SNAP25: variants seen among roughly 807,000 people sequenced by gnomAD.
SNAP25 encodes the protein synaptosome associated protein 25, also known as synaptosomal-associated protein 25.
Under a neutral mutation model 28.7 loss-of-function variants are expected in SNAP25, and 3 were observed. The observed-to-expected ratio is 0.10, with a 90% CI of 0.05 to 0.27. The LOEUF (loss-of-function observed/expected upper bound fraction) is 0.27. Ranked by LOEUF, SNAP25 falls within the 10% of genes least tolerant of loss-of-function variation. The pLI is 1.00. For synonymous variants in SNAP25, 61 were observed against 88.1 expected, an observed-to-expected ratio of 0.69 and a Z score of 1.72; for missense variants, 117 against 278.7, an observed-to-expected ratio of 0.42 and a Z score of 4.13.
chr20:10,246,584 C>A (rs1600677989), intron 1 of SNAP25, among the ~76,000 whole-genome samples: 2 of 152,298 alleles, frequency 1.3e-5, no homozygotes, highest in East Asian at 3.9e-4. Context: ...ACAATGCACA[C>A]ACAGCCTCAG....
intron 1 of SNAP25, among the ~76,000 whole-genome samples, chr20:10,241,849 G>A (rs764114185): frequency 9.8e-5 from 15 of 152,286 alleles, no homozygotes; most frequent in Non-Finnish European, 1.8e-4. Flanking sequence ...ACTGGCTTTT[G>A]TTCAAAGAGC....
At chr20:10,230,470 G>A (rs1308665997) in intron 1 of SNAP25, among the ~76,000 whole-genome samples, 1 of 152,070 alleles carries the variant, frequency 6.6e-6, no homozygotes, top group Non-Finnish European at 1.5e-5. Context: ...CATTACTCTA[G>A]GACACTTGTT....
chr20:10,260,809 A>T (rs1301916188), intron 1 of SNAP25, among the ~76,000 whole-genome samples: 1 of 152,152 alleles, frequency 6.6e-6, no homozygotes, highest in Non-Finnish European at 1.5e-5. Flanking sequence ...CATTTTGAAC[A>T]TTCATTCCAC....
intron 1 of SNAP25, among the ~76,000 whole-genome samples, chr20:10,224,655 C>G (rs2062703161): frequency 6.6e-6 from 1 of 151,956 alleles, no homozygotes; most frequent in Non-Finnish European, 1.5e-5. Flanking sequence ...TCCCTCATCC[C>G]AATCCTTATT....
At chr20:10,227,029 G>T (rs911233849) in intron 1 of SNAP25, among the ~76,000 whole-genome samples, 8 of 152,054 alleles carry the variant, frequency 5.3e-5, no homozygotes, top group Non-Finnish European at 1.0e-4. Flanking sequence ...ACTAAGAAAG[G>T]ATCCTTTGGA....
intron 1 of SNAP25, among the ~76,000 whole-genome samples, chr20:10,240,412 G>A (rs909796273): frequency 1.1e-4 from 16 of 152,134 alleles, no homozygotes; most frequent in African/African-American, 2.4e-4. Context: ...ATCCATTTAC[G>A]TTTCCCTAAT....
intron 1 of SNAP25, among the ~76,000 whole-genome samples, chr20:10,224,977 A>C (rs891082309): frequency 2.6e-5 from 4 of 152,020 alleles, no homozygotes; most frequent in Non-Finnish European, 4.4e-5. Flanking sequence ...GCTTTTATAG[A>C]ATCTGTGAGC....
chr20:10,295,532 T>C lies in SNAP25; in HGVS notation c.282-1393T>C, dbSNP rs362989. On this transcript the variant is annotated intron_variant, in intron 5 of 7. Coordinates refer to ENST00000254976, the MANE Select transcript of SNAP25 (RefSeq NM_130811.4). ...ACTAAGGCCTGCGGCATTATAGACT[T>C]GATTGTGGGAGTTGCTGAAATTCCA... Among the ~76,000 whole-genome samples, 1,492 of 152,262 alleles carry C rather than the reference T, an allele frequency of 9.8e-3. 10 individuals are homozygous for C. Among genetic ancestry groups the C allele is most frequent in the Non-Finnish European group, 0.014 (949 of 68,002 alleles).
At chr20:10,254,880 G>A (rs2063293188) in intron 1 of SNAP25, among the ~76,000 whole-genome samples, 1 of 152,188 alleles carries the variant, frequency 6.6e-6, no homozygotes, top group African/African-American at 2.4e-5. Flanking sequence ...TAGCCTGCCT[G>A]TGTCTCATTG....
chr20:10,240,420 A>G (rs1258885445), intron 1 of SNAP25, among the ~76,000 whole-genome samples: 1 of 152,172 alleles, frequency 6.6e-6, no homozygotes, highest in African/African-American at 2.4e-5. Context: ...ACGTTTCCCT[A>G]ATATCATAGC....
intron 7 of SNAP25, among the ~76,000 whole-genome samples, chr20:10,300,266 C>A (rs1407913286): frequency 6.6e-6 from 1 of 152,104 alleles, no homozygotes; most frequent in African/African-American, 2.4e-5. Flanking sequence ...CCTAGGGCAC[C>A]AAAACCTGAT....
intron 1 of SNAP25, among the ~76,000 whole-genome samples, chr20:10,221,322 G>A (rs542397859): frequency 6.6e-6 from 1 of 152,208 alleles, no homozygotes; most frequent in East Asian, 1.9e-4. Context: ...GAAGCAATGT[G>A]CACAATTAGA....
chr20:10,250,587 T>A (rs1391069284), intron 1 of SNAP25, among the ~76,000 whole-genome samples: 2 of 152,224 alleles, frequency 1.3e-5, no homozygotes, highest in African/African-American at 4.8e-5. Context: ...GGGCAAAGTA[T>A]GTAAAGAATT....
intron 1 of SNAP25, among the ~76,000 whole-genome samples, chr20:10,230,298 A>T (rs936705848): frequency 6.6e-6 from 1 of 152,184 alleles, no homozygotes; most frequent in Non-Finnish European, 1.5e-5. Flanking sequence ...CCCAACACTC[A>T]TCTTCCCAAA....
chr20:10,295,031 G>T (rs987166778), intron 5 of SNAP25, among the ~76,000 whole-genome samples: 6 of 152,200 alleles, frequency 3.9e-5, no homozygotes, highest in Admixed American at 2.6e-4. Flanking sequence ...CTTTTGAGTG[G>T]TCACTAATTT....
At position 10,299,449 on chromosome 20, in the gene SNAP25, T is replaced by C. The variant is rs771067790; in HGVS notation, c.552+37T>C. 3.1e-6 allele frequency: 5 copies of C among 1,600,080 alleles called. No individual in the cohort carries two copies. The South Asian group carries it at 5.6e-5, about 18-fold the overall frequency. On this transcript the variant is annotated intron_variant, in intron 7 of 7. Coordinates refer to ENST00000254976, the MANE Select transcript of SNAP25 (RefSeq NM_130811.4). ...GCAGTCAGCAAGTCCCTACTGCGAG[T>C]CACTTCTGAAATGACCAACAGGAAG... is the stretch of plus-strand genomic sequence containing the variant.
At chr20:10,262,281 G>A (rs1315340603) in intron 1 of SNAP25, among the ~76,000 whole-genome samples, 4 of 152,128 alleles carry the variant, frequency 2.6e-5, no homozygotes, top group Non-Finnish European at 4.4e-5. Context: ...CTATTTTGAT[G>A]TTTGCCATTT....
intron 3 of SNAP25, among the ~76,000 whole-genome samples, 196 bp from the exon 4 acceptor site, chr20:10,284,528 G>A (rs528853132): frequency 6.6e-6 from 1 of 152,232 alleles, no homozygotes; most frequent in African/African-American, 2.4e-5. Flanking sequence ...AGCATCACTG[G>A]TAGATCAAGT....
At chr20:10,276,388 T>A (rs766302984) in intron 2 of SNAP25, among the ~76,000 whole-genome samples, 2 of 152,248 alleles carry the variant, frequency 1.3e-5, no homozygotes, top group Middle Eastern at 3.2e-3. Context: ...TTGCTGATTG[T>A]CTAGACTTTA....
Sources: allele counts gnomAD v4.1 joint callset (sites outside exome capture counted in the v4.1 genomes callset), GRCh38; gene constraint gnomAD v4.1.1; transcripts MANE v1.5; gene names NCBI Gene and HGNC (gene_info 2026-07-23, HGNC 2026-07-21).